RFX3: variants seen among roughly 807,000 people sequenced by gnomAD.
The protein encoded by RFX3 is regulatory factor X3.
In RFX3, 14 loss-of-function variants were observed where a neutral mutation model predicts 98.6. The ratio of observed to expected loss-of-function variants is 0.14; its 90% CI spans 0.09 to 0.22. The LOEUF (loss-of-function observed/expected upper bound fraction) is 0.22, where lower values mean the gene tolerates loss of function less well. RFX3 is among the 10% of genes least tolerant of loss of function. RFX3 has a pLI of 1.00. For synonymous variants in RFX3, 383 were observed against 328.4 expected, an observed-to-expected ratio of 1.17 and a Z score of -1.80; for missense variants, 639 against 926.9, an observed-to-expected ratio of 0.69 and a Z score of 4.03.
chr9:3,258,223 T>A (rs2131136352), intron 13 of RFX3, among the ~76,000 whole-genome samples: 1 of 152,272 alleles, frequency 6.6e-6, no homozygotes, highest in East Asian at 1.9e-4. Flanking sequence ...TGTGTCCAGA[T>A]AATTTTGTCA....
At chr9:3,511,661 T>C (rs1367206979) in intron 1 of RFX3, among the ~76,000 whole-genome samples, 1 of 152,048 alleles carries the variant, frequency 6.6e-6, no homozygotes, top group Admixed American at 6.6e-5. Context: ...TTTACTCAAA[T>C]ATACCCACAA....
chr9:3,287,563 A>G (rs906447240), intron 7 of RFX3, among the ~76,000 whole-genome samples: 3 of 151,968 alleles, frequency 2.0e-5, no homozygotes, highest in African/African-American at 7.2e-5. Flanking sequence ...CTAGACTGAC[A>G]TATTTTTCAA....
intron 7 of RFX3, among the ~76,000 whole-genome samples, chr9:3,280,760 A>G (rs2131475462): frequency 6.6e-6 from 1 of 151,894 alleles, no homozygotes; most frequent in African/African-American, 2.4e-5. Context: ...ATATTTGAGA[A>G]TGGAGCTTAG....
chr9:3,475,891 G>A (rs925176590), intron 1 of RFX3, among the ~76,000 whole-genome samples: 5 of 152,158 alleles, frequency 3.3e-5, no homozygotes, highest in African/African-American at 9.7e-5. Flanking sequence ...AGTAGTAGGT[G>A]TTTTCCCTTC....
At chr9:3,441,267 ATATT>A (rs1354232526) in intron 1 of RFX3, among the ~76,000 whole-genome samples, 1 of 152,158 alleles carries the variant, frequency 6.6e-6, no homozygotes, top group African/African-American at 2.4e-5. Flanking sequence ...GTATGAACGC[ATATT>A]TAGTTTAATA....
chr9:3,467,818 G>A (rs187545169), intron 1 of RFX3, among the ~76,000 whole-genome samples: 7 of 152,150 alleles, frequency 4.6e-5, no homozygotes, highest in Admixed American at 2.6e-4. Context: ...TCCCCTCCCC[G>A]CCTCCCACAG....
At chr9:3,279,078 A>C (rs981024358) in intron 7 of RFX3, among the ~76,000 whole-genome samples, 1 of 151,224 alleles carries the variant, frequency 6.6e-6, no homozygotes, top group African/African-American at 2.4e-5. Context: ...TGTTTTTCTG[A>C]TTTTTTTTTC....
At chr9:3,389,789 C>T (rs1840101202) in intron 2 of RFX3, among the ~76,000 whole-genome samples, 1 of 152,108 alleles carries the variant, frequency 6.6e-6, no homozygotes, top group African/African-American at 2.4e-5. Flanking sequence ...CCCAAGATCT[C>T]TCATTATGTA....
At chr9:3,493,823 T>C (rs1850922322) in intron 1 of RFX3, among the ~76,000 whole-genome samples, 1 of 151,112 alleles carries the variant, frequency 6.6e-6, no homozygotes, top group Non-Finnish European at 1.5e-5. Context: ...CTTCACAATT[T>C]CCCAACAAGC....
chr9:3,485,084 T>A (rs1355617783), intron 1 of RFX3, among the ~76,000 whole-genome samples: 2 of 151,958 alleles, frequency 1.3e-5, no homozygotes, highest in African/African-American at 2.4e-5. Context: ...CGCACTCCAG[T>A]CTGGGAAACA....
At chr9:3,332,215 G>A (rs1439847151) in intron 3 of RFX3, among the ~76,000 whole-genome samples, 2 of 151,950 alleles carry the variant, frequency 1.3e-5, no homozygotes, top group Non-Finnish European at 2.9e-5. Context: ...CAAGTGTTTT[G>A]GATTTTGGAT....
intron 15 of RFX3, among the ~76,000 whole-genome samples, chr9:3,245,739 T>C (rs1820574478): frequency 6.6e-6 from 1 of 152,196 alleles, no homozygotes; most frequent in South Asian, 2.1e-4. Context: ...ACAATTGTTA[T>C]TGTCTTTGTG....
At chr9:3,465,567 G>A (rs1361479840) in intron 1 of RFX3, among the ~76,000 whole-genome samples, 1 of 150,212 alleles carries the variant, frequency 6.7e-6, no homozygotes, top group African/African-American at 2.5e-5. Flanking sequence ...GCCTCCCAAA[G>A]TACTGAGATT....
At chr9:3,371,631 C>T (rs1837872599) in intron 2 of RFX3, among the ~76,000 whole-genome samples, 2 of 152,100 alleles carry the variant, frequency 1.3e-5, no homozygotes, top group Non-Finnish European at 2.9e-5. Context: ...AGAAAATAGA[C>T]TCATCAACTT....
chr9:3,427,465 AAATATATATTGTTATATAAT>A (rs1299748851), intron 1 of RFX3, among the ~76,000 whole-genome samples: 1 of 144,920 alleles, frequency 6.9e-6, no homozygotes, highest in African/African-American at 2.5e-5. Flanking sequence ...TACAATATAT[AAATATATATTGTTATATAAT>A]AATACAATAT....
At chr9:3,270,155 G>A (rs1824242563) in intron 11 of RFX3, among the ~76,000 whole-genome samples, 1 of 150,028 alleles carries the variant, frequency 6.7e-6, no homozygotes, top group South Asian at 2.1e-4. Context: ...GAGAAAGAAA[G>A]AAAAAGAAAA....
chr9:3,254,531 T>A (rs1043951580), intron 14 of RFX3, among the ~76,000 whole-genome samples: 3 of 151,730 alleles, frequency 2.0e-5, no homozygotes, highest in African/African-American at 7.3e-5. Context: ...ACTGGGAAAA[T>A]ATCTGAAATC....
intron 1 of RFX3, among the ~76,000 whole-genome samples, chr9:3,517,970 CAACT>C (rs1393793726): frequency 6.6e-6 from 1 of 152,170 alleles, no homozygotes; most frequent in African/African-American, 2.4e-5. Context: ...ACATCATAAC[CAACT>C]AAACATCTTG....
chr9:3,465,284 C>A (rs1280308530), intron 1 of RFX3, among the ~76,000 whole-genome samples: 1 of 151,608 alleles, frequency 6.6e-6, no homozygotes, highest in South Asian at 2.1e-4. Flanking sequence ...TATATGTTAA[C>A]CTGTTTTGCT....
Sources: gnomAD v4.1 joint callset for allele counts (sites outside exome capture counted in the v4.1 genomes callset) on GRCh38, gnomAD v4.1.1 for gene constraint, MANE v1.5 for transcripts, NCBI Gene and HGNC (gene_info 2026-07-23, HGNC 2026-07-21) for gene names.